Variants in LPAR1 observed in about 807,000 individuals in gnomAD.
LPAR1 encodes the protein LPA receptor 1.
A neutral mutation model predicts 23.8 loss-of-function variants in LPAR1; 5 were observed. The observed-to-expected ratio is 0.21, with a 90% CI of 0.11 to 0.44. The LOEUF (loss-of-function observed/expected upper bound fraction) is 0.44. Ranked by LOEUF, LPAR1 falls within the 20% of genes least tolerant of loss-of-function variation. The pLI is 0.99. For synonymous variants in LPAR1, 160 were observed against 164.7 expected (o/e 0.97, Z 0.22); for missense variants, 311 against 482.8 (o/e 0.64, Z 3.33).
At chr9:110,970,947 C>T (rs982879229) in intron 4 of LPAR1, among the ~76,000 whole-genome samples, 2 of 152,090 alleles carry the variant, frequency 1.3e-5, no homozygotes, top group African/African-American at 4.8e-5. Flanking sequence ...ACCAGCCTGA[C>T]CAACATGGTG....
At chr9:111,001,794 T>C (rs900622730) in intron 2 of LPAR1, among the ~76,000 whole-genome samples, 6 of 152,222 alleles carry the variant, frequency 3.9e-5, no homozygotes, top group African/African-American at 7.2e-5. Flanking sequence ...AGATCTCTTT[T>C]ATACCTAAAA....
intron 4 of LPAR1, among the ~76,000 whole-genome samples, chr9:110,944,015 A>T (rs1024954797): frequency 2.0e-5 from 3 of 152,172 alleles, no homozygotes; most frequent in African/African-American, 4.8e-5. Flanking sequence ...TCAACTCAAG[A>T]TATTAATGAC....
intron 2 of LPAR1, among the ~76,000 whole-genome samples, chr9:111,000,832 A>G (rs1260775566): frequency 6.6e-6 from 1 of 152,228 alleles, no homozygotes; most frequent in African/African-American, 2.4e-5. Context: ...CTTTTCCATT[A>G]AAATGGAAAT....
intron 2 of LPAR1, among the ~76,000 whole-genome samples, chr9:111,011,350 A>G (rs183353923): frequency 7.6e-4 from 115 of 152,250 alleles, no homozygotes; most frequent in Non-Finnish European, 1.9e-4. Flanking sequence ...TCTATTCTCT[A>G]TGTCTGCTGG....
At chr9:111,008,907 G>C (rs1238646319) in intron 2 of LPAR1, among the ~76,000 whole-genome samples, 1 of 152,150 alleles carries the variant, frequency 6.6e-6, no homozygotes, top group East Asian at 1.9e-4. Flanking sequence ...AATTCCCAGA[G>C]AAAAAGTTCC....
intron 5 of LPAR1, among the ~76,000 whole-genome samples, chr9:110,927,235 C>CTTT (rs11439216): frequency 3.1e-4 from 46 of 149,306 alleles, no homozygotes; most frequent in African/African-American, 5.9e-4. Context: ...GCATTCCACA[C>CTTT]TTTTTTTTTT....
chr9:110,975,023 A>G (rs1424573749), intron 2 of LPAR1, among the ~76,000 whole-genome samples: 1 of 152,104 alleles, frequency 6.6e-6, no homozygotes, highest in Non-Finnish European at 1.5e-5. Context: ...ATGTATTTAT[A>G]ATTCACATTA....
intron 5 of LPAR1, among the ~76,000 whole-genome samples, chr9:110,891,312 C>T (rs1397644544): frequency 6.6e-6 from 1 of 152,070 alleles, no homozygotes; most frequent in Non-Finnish European, 1.5e-5. Context: ...AAGAACATTA[C>T]ATAACTTTTA....
chr9:111,000,298 G>C (rs1443312701), intron 2 of LPAR1, among the ~76,000 whole-genome samples: 7 of 152,114 alleles, frequency 4.6e-5, no homozygotes, highest in African/African-American at 1.7e-4. Flanking sequence ...AAAAAGAGCT[G>C]GGTACAAGAA....
intron 4 of LPAR1, among the ~76,000 whole-genome samples, chr9:110,946,497 C>G (rs1039498465): frequency 6.6e-6 from 1 of 151,984 alleles, no homozygotes; most frequent in Non-Finnish European, 1.5e-5. Context: ...AGAACAGACC[C>G]ATTATACAGA....
At chr9:110,926,777 GC>G (rs2094069752) in intron 5 of LPAR1, among the ~76,000 whole-genome samples, 1 of 151,842 alleles carries the variant, frequency 6.6e-6, no homozygotes, top group African/African-American at 2.4e-5. Flanking sequence ...AAACTCACAT[GC>G]CTGGGGCAAT....
intron 4 of LPAR1, among the ~76,000 whole-genome samples, chr9:110,956,550 C>T (rs976198347): frequency 6.6e-6 from 1 of 151,476 alleles, no homozygotes; most frequent in African/African-American, 2.4e-5. Flanking sequence ...AATTGAACTA[C>T]TAACTAGACT....
intron 5 of LPAR1, among the ~76,000 whole-genome samples, chr9:110,889,473 C>CCCA: frequency 6.6e-6 from 1 of 152,238 alleles, no homozygotes; most frequent in Non-Finnish European, 1.5e-5. Context: ...CACATGCCCT[C>CCCA]CCACACTCAC....
At chr9:110,968,786 C>T (rs1389867795) in intron 4 of LPAR1, among the ~76,000 whole-genome samples, 1 of 152,192 alleles carries the variant, frequency 6.6e-6, no homozygotes, top group African/African-American at 2.4e-5. Flanking sequence ...AATAACAATG[C>T]TTGCTAATAT....
intron 5 of LPAR1, among the ~76,000 whole-genome samples, chr9:110,932,723 G>T (rs774685306): frequency 4.3e-4 from 65 of 152,242 alleles, no homozygotes; most frequent in Admixed American, 2.9e-3. Flanking sequence ...ACCCTATTGT[G>T]ATCTGCAGAT....
At chr9:111,014,358 T>G (rs1328183341) in intron 2 of LPAR1, among the ~76,000 whole-genome samples, 1 of 152,102 alleles carries the variant, frequency 6.6e-6, no homozygotes, top group Non-Finnish European at 1.5e-5. Context: ...TTCCAAGCCT[T>G]AAATCCCCTA....
intron 4 of LPAR1, among the ~76,000 whole-genome samples, chr9:110,969,875 T>C (rs1361727588): frequency 6.6e-6 from 1 of 152,140 alleles, no homozygotes; most frequent in Non-Finnish European, 1.5e-5. Flanking sequence ...CCTTATACAC[T>C]CCTTGGGCTC....
intron 5 of LPAR1, among the ~76,000 whole-genome samples, chr9:110,910,838 C>A (rs1226013826): frequency 2.0e-5 from 3 of 152,120 alleles, no homozygotes; most frequent in Non-Finnish European, 4.4e-5. Flanking sequence ...AGAAGTGGCA[C>A]CTGAAGATGT....
intron 2 of LPAR1, among the ~76,000 whole-genome samples, chr9:111,026,476 A>T (rs1424123451): frequency 6.6e-6 from 1 of 152,176 alleles, no homozygotes; most frequent in African/African-American, 2.4e-5. Flanking sequence ...TTGCAAACAG[A>T]GACAATTTGA....
Sources: allele counts gnomAD v4.1 joint callset (sites outside exome capture counted in the v4.1 genomes callset), GRCh38; gene constraint gnomAD v4.1.1; transcripts MANE v1.5; gene names NCBI Gene and HGNC (gene_info 2026-07-23, HGNC 2026-07-21).